Variants in ALKBH1 observed in about 807,000 individuals in gnomAD.
ALKBH1 encodes nucleic acid dioxygenase ALKBH1.
A neutral mutation model predicts 36.6 loss-of-function variants in ALKBH1; 31 were observed. The observed-to-expected ratio is 0.85, with a 90% confidence interval of 0.64 to 1.14. ALKBH1 has a LOEUF of 1.14. Ranked by LOEUF, ALKBH1 falls within the 50% of genes most tolerant of loss-of-function variation. The pLI is 0.00. For missense variants in ALKBH1, 490 were observed against 497.3 expected, an observed-to-expected ratio of 0.99 and a Z score of 0.14; for synonymous variants, 183 against 186.6, an observed-to-expected ratio of 0.98 and a Z score of 0.16.
rs766204024 is a variant in ALKBH1, at chr14:77,704,350, T to C, written c.292+19A>G. The C allele has an allele frequency of 1.3e-6, 2 of 1,561,584 alleles. No individual in the cohort carries two copies. Reference sequence around the variant, plus strand: ...AATGATTGAGTGATATTGCCTTCTCTGAGGTCAGTTACACTCACCAGGATA... The same window carrying C: ...AATGATTGAGTGATATTGCCTTCTCCGAGGTCAGTTACACTCACCAGGATA... On this transcript the variant is annotated intron_variant, in intron 2 of 5. Transcript: ENST00000216489.
At position 77,673,073 on chromosome 14, in the gene ALKBH1, T is replaced by C. The variant is rs2080184988; in HGVS notation, c.*739A>G. ...ATTTAAAATCAAGTGAGTTTATTCATGGAGAAAACAGTAACAAAACACCCT... is the reference window on the plus strand; with the variant it reads ...ATTTAAAATCAAGTGAGTTTATTCACGGAGAAAACAGTAACAAAACACCCT... On this transcript the variant is annotated 3_prime_UTR_variant, in exon 6 of 6. Coordinates refer to ENST00000216489, the MANE Select transcript of ALKBH1 (RefSeq NM_006020.3). 1 of 152,212 alleles carries C rather than the reference T, an allele frequency of 6.6e-6. No homozygotes were observed. The highest frequency in any genetic ancestry group is 2.1e-4 in the South Asian group (1 of 4,830). The allele number at this position is 152,212 out of a possible 1,614,324, so 9.4% of individuals were successfully genotyped here.
rs747512051 is a variant in ALKBH1 at position 77,673,824 on chromosome 14, G to A, written c.1158C>T (p.Asn386=). Residue 386 remains asparagine, a synonymous_variant, in exon 6 of 6, where the codon AAC becomes AAT. Transcript: ENST00000216489. ...GGATCTCCAAGTCTCAGCTGTCAGG[G>A]TTTATCCTGGCCCGTTTTACTTCGC... ...QNSEVKRARI[N]PDS The A allele has an allele frequency of 1.2e-6, 2 of 1,613,048 alleles. No homozygotes were observed. The highest frequency in any genetic ancestry group is 1.7e-6 in the Non-Finnish European group (2 of 1,179,402).
At chr14:77,693,224 A>AATTT (rs369220185) in intron 3 of ALKBH1, among the ~76,000 whole-genome samples, 15 of 126,410 alleles carry the variant, frequency 1.2e-4, no homozygotes, top group East Asian at 6.8e-4. Context: ...AAAAAAAAAA[A>AATTT]TTTTTTTTCA....
At chr14:77,687,353 T>A (rs2080273428) in intron 3 of ALKBH1, among the ~76,000 whole-genome samples, 1 of 152,196 alleles carries the variant, frequency 6.6e-6, no homozygotes, top group Non-Finnish European at 1.5e-5. Context: ...TTTCTTCTCA[T>A]ACTTTCAAGT....
intron 4 of ALKBH1, among the ~76,000 whole-genome samples, chr14:77,678,085 A>C (rs141551758): frequency 9.6e-6 from 1 of 104,324 alleles, no homozygotes; most frequent in Admixed American, 1.1e-4. Context: ...AAATATTATC[A>C]CCAAAAAAAA....
chr14:77,694,665 A>G, intron 3 of ALKBH1, 73 bp downstream of exon 3: 1 of 1,278,956 alleles, frequency 7.8e-7, no homozygotes, highest in Non-Finnish European at 1.0e-6. Context: ...GCATTGTTAT[A>G]GAACAGTTCC....
chr14:77,694,738 C>A lies in ALKBH1; in HGVS notation c.455G>T (p.Arg152Met). The part of the protein sequence containing the change: ...DLWEQSKEFL[R>M]YKEATKRRPR... ...CTTCATTCTGATTGACAAGACTTAC[C>A]TCAGGAACTCTTTGCTCTGTTCCCA... Residue 152 changes from arginine (R) to methionine (M), a missense_variant and splice_region_variant, in exon 3 of 6, where the codon AGG becomes ATG. Physicochemically the swap from Arg to Met is moderately conservative, Grantham distance 91 (BLOSUM62 -1). Transcript: ENST00000216489. 1 of 1,581,010 alleles carries A rather than the reference C, an allele frequency of 6.3e-7. No individual in the cohort carries two copies. The highest frequency in any genetic ancestry group is 1.2e-5 in the South Asian group (1 of 83,054).
At chr14:77,705,416 A>G in intron 1 of ALKBH1, among the ~76,000 whole-genome samples, 1 of 139,686 alleles carries the variant, frequency 7.2e-6, no homozygotes, top group Admixed American at 7.2e-5. Context: ...TCTAAGAAAA[A>G]AAAAAAAAAA....
At chr14:77,691,731 C>T (rs1257273666) in intron 3 of ALKBH1, 2 of 152,010 alleles carry the variant, frequency 1.3e-5, no homozygotes, top group Non-Finnish European at 2.9e-5. Flanking sequence ...GGTATCTCAC[C>T]ATTGTTTACA....
intron 3 of ALKBH1, among the ~76,000 whole-genome samples, chr14:77,693,240 A>T (rs1282024548): frequency 6.7e-6 from 1 of 149,614 alleles, no homozygotes; most frequent in African/African-American, 2.5e-5. Flanking sequence ...TTTCATAGAG[A>T]TGGGGTCTTG....
intron 3 of ALKBH1, among the ~76,000 whole-genome samples, chr14:77,680,240 T>C (rs2080229325): frequency 6.6e-6 from 1 of 152,102 alleles, no homozygotes; most frequent in South Asian, 2.1e-4. Flanking sequence ...TTGGTAATGA[T>C]AAAATAAGAA....
intron 3 of ALKBH1, among the ~76,000 whole-genome samples, chr14:77,682,698 C>A (rs1217193017): frequency 1.3e-5 from 2 of 152,124 alleles, no homozygotes; most frequent in South Asian, 2.1e-4. Context: ...AGAGTCTTCT[C>A]AAAAATTTTA....
At chr14:77,679,719 C>T (rs563388505) in intron 4 of ALKBH1, among the ~76,000 whole-genome samples, 161 bp downstream of exon 4, 6 of 152,264 alleles carry the variant, frequency 3.9e-5, no homozygotes, top group Non-Finnish European at 7.4e-5. Context: ...ATGTGAGCCA[C>T]GGCACCTGGC....
rs764077418 is a variant in ALKBH1, at chr14:77,677,192, A to C, written c.547-1343T>G. 4.6e-5 allele frequency among the ~76,000 whole-genome samples: 7 copies of C among 152,186 alleles called. No individual in the cohort carries two copies. In the Middle Eastern group the frequency reaches 0.02, roughly 444 times the overall value. On this transcript the variant is annotated intron_variant, in intron 4 of 5. Transcript: ENST00000216489. ...GCAGCTAGGATTACAGGTGCCTGCC[A>C]CCATGCCTGGCTAATTTTTGTATTT...
chr14:77,694,951 G>T (rs2080319202), intron 2 of ALKBH1, 51 bp from the exon 3 acceptor site: 1 of 1,380,526 alleles, frequency 7.2e-7, no homozygotes, highest in Non-Finnish European at 9.6e-7. Context: ...TTCTCCATCA[G>T]TTATTCAAAT....
chr14:77,703,105 C>T (rs1332259320), intron 2 of ALKBH1, among the ~76,000 whole-genome samples: 3 of 151,788 alleles, frequency 2.0e-5, no homozygotes, highest in African/African-American at 2.4e-5. Context: ...GAGATTGTGC[C>T]ACTGTACTCC....
chr14:77,674,788 G>T (rs2080196092), intron 5 of ALKBH1, among the ~76,000 whole-genome samples: 1 of 152,150 alleles, frequency 6.6e-6, no homozygotes, highest in Non-Finnish European at 1.5e-5. Flanking sequence ...CTGAACTCAA[G>T]TGATCCACTG....
At chr14:77,675,973 C>T (rs987278471) in intron 4 of ALKBH1, 124 bp from the exon 5 acceptor site, 21 of 780,704 alleles carry the variant, frequency 2.7e-5, no homozygotes, top group Admixed American at 2.9e-5. Context: ...ATTAACACAG[C>T]ATTATCTATC....
rs1374299914 is a variant in ALKBH1, at chr14:77,675,708, T to C, written c.688A>G (p.Ile230Val). The C allele has an allele frequency of 4.3e-5, 70 of 1,614,008 alleles. No individual in the cohort carries two copies. The highest frequency in any genetic ancestry group is 5.9e-5 in the Non-Finnish European group (70 of 1,180,006). The change falls in exon 5 of 6, where the codon ATC becomes GTC. Residue 230 changes from isoleucine (I) to valine (V), a missense_variant. Transcript: ENST00000216489. ...TCTAGCTCAGATCTGTCTACGTGGA[T>C]TCCCAGTGTGGAGTCCAGGCGGTAG... Reference protein sequence around the residue: ...NYYRLDSTLGIHVDRSELDHS... With the variant: ...NYYRLDSTLGVHVDRSELDHS...
Sources: gnomAD v4.1 joint callset for allele counts (sites outside exome capture counted in the v4.1 genomes callset) on GRCh38, gnomAD v4.1.1 for gene constraint, MANE v1.5 for transcripts, NCBI Gene and HGNC (gene_info 2026-07-23, HGNC 2026-07-21) for gene names.